The following ADCY2 variants were observed in gnomAD, a reference collection of about 807,000 sequenced individuals.
ADCY2 encodes adenylate cyclase 2, also known as adenylate cyclase type 2.
Under a neutral mutation model 125.2 loss-of-function variants are expected in ADCY2, and 31 were observed. That is an observed-to-expected ratio of 0.25 (90% confidence interval 0.19 to 0.33). The LOEUF (loss-of-function observed/expected upper bound fraction) is 0.33, where lower values mean the gene tolerates loss of function less well. ADCY2 is among the 10% of genes least tolerant of loss of function. ADCY2 has a pLI of 1.00. For synonymous variants in ADCY2, 512 were observed against 548.4 expected (o/e 0.93, Z 0.93); for missense variants, 904 against 1,418.2 (o/e 0.64, Z 5.82).
intron 3 of ADCY2, among the ~76,000 whole-genome samples, chr5:7,591,221 A>G (rs1190528724): frequency 6.6e-6 from 1 of 152,188 alleles, no homozygotes; most frequent in Non-Finnish European, 1.5e-5. Context: ...ATGTCAGAAA[A>G]CTCAGAGACA....
chr5:7,522,739 T>TAAAAAAAAAAA (rs35601967), intron 3 of ADCY2: 19 of 122,614 alleles, frequency 1.5e-4, no homozygotes, highest in Admixed American at 2.4e-4. Context: ...CATCTCTACT[T>TAAAAAAAAAAA]AAAAAAAAAA....
chr5:7,591,980 T>C (rs770338920), intron 3 of ADCY2, among the ~76,000 whole-genome samples: 1 of 152,268 alleles, frequency 6.6e-6, no homozygotes. Context: ...AGAAGTTACA[T>C]ATTTAATAGG....
intron 15 of ADCY2, among the ~76,000 whole-genome samples, chr5:7,744,170 A>G (rs1346877891): frequency 5.3e-5 from 8 of 152,100 alleles, no homozygotes; most frequent in African/African-American, 1.9e-4. Context: ...GAGTTGAACA[A>G]TGAGGACACA....
chr5:7,739,205 G>A (rs759195596), intron 14 of ADCY2, among the ~76,000 whole-genome samples: 1 of 151,508 alleles, frequency 6.6e-6, no homozygotes, highest in African/African-American at 2.4e-5. Flanking sequence ...ACAAATATGA[G>A]GACAAAAAAA....
intron 3 of ADCY2, among the ~76,000 whole-genome samples, chr5:7,545,247 C>T (rs1283994297): frequency 6.6e-6 from 1 of 152,218 alleles, no homozygotes; most frequent in East Asian, 1.9e-4. Flanking sequence ...GCATGCCCCT[C>T]CACTTGGTGT....
chr5:7,678,699 C>T (rs927680486), intron 4 of ADCY2, among the ~76,000 whole-genome samples: 2 of 152,132 alleles, frequency 1.3e-5, no homozygotes, highest in Admixed American at 6.5e-5. Flanking sequence ...CTCCTGACAC[C>T]TTGTTGAATG....
chr5:7,468,761 T>G (rs1742222567), intron 2 of ADCY2, among the ~76,000 whole-genome samples: 1 of 152,172 alleles, frequency 6.6e-6, no homozygotes, highest in Admixed American at 6.5e-5. Flanking sequence ...TTGCAAAAAT[T>G]CTATTACTTT....
chr5:7,722,730 G>C (rs1561187818), intron 12 of ADCY2, among the ~76,000 whole-genome samples: 1 of 151,958 alleles, frequency 6.6e-6, no homozygotes, highest in Non-Finnish European at 1.5e-5. Flanking sequence ...AGGCCGAGGT[G>C]GGCAGACCAC....
At chr5:7,677,956 A>T (rs543693161) in intron 4 of ADCY2, among the ~76,000 whole-genome samples, 153 of 152,220 alleles carry the variant, frequency 1.0e-3, no homozygotes, top group African/African-American at 3.5e-3. Context: ...ATTTTACCAG[A>T]CTCAGCTTTA....
intron 3 of ADCY2, among the ~76,000 whole-genome samples, chr5:7,576,486 T>C (rs950839800): frequency 6.6e-6 from 1 of 152,202 alleles, no homozygotes; most frequent in Non-Finnish European, 1.5e-5. Context: ...TTATACAAAC[T>C]AAGGCAACTT....
chr5:7,745,851 CTT>C (rs962175960), intron 15 of ADCY2, among the ~76,000 whole-genome samples: 1 of 152,214 alleles, frequency 6.6e-6, no homozygotes, highest in South Asian at 2.1e-4. Flanking sequence ...ATCAGGCTGA[CTT>C]TTTTTCATTC....
chr5:7,397,402 G>A (rs1739091331), intron 1 of ADCY2, among the ~76,000 whole-genome samples: 1 of 145,498 alleles, frequency 6.9e-6, no homozygotes, highest in South Asian at 2.2e-4. Flanking sequence ...CCTGTGACAT[G>A]CATGTGCAGA....
At position 7,775,924 on chromosome 5, in the gene ADCY2, A is replaced by G. The variant is rs74365313; in HGVS notation, c.2384+2823A>G. ...AAGCATAATACCTCAAAATCAATGAATATTCTATGATGTCCACTTAAAACT... is the reference window on the plus strand; with the variant it reads ...AAGCATAATACCTCAAAATCAATGAGTATTCTATGATGTCCACTTAAAACT... On this transcript the variant is annotated intron_variant, in intron 18 of 24. Transcript: ENST00000338316. Among the ~76,000 whole-genome samples, 1,386 of 152,268 alleles carry G rather than the reference A, an allele frequency of 9.1e-3. 17 individuals are homozygous for G. The highest frequency in any genetic ancestry group is 0.032 in the African/African-American group (1,330 of 41,544).
At chr5:7,562,211 G>GT (rs1459631229) in intron 3 of ADCY2, among the ~76,000 whole-genome samples, 10 of 151,818 alleles carry the variant, frequency 6.6e-5, no homozygotes, top group East Asian at 1.9e-4. Context: ...TTTTTGTTCT[G>GT]TTTTTTCCAC....
At chr5:7,492,083 G>A (rs906975638) in intron 2 of ADCY2, among the ~76,000 whole-genome samples, 5 of 152,172 alleles carry the variant, frequency 3.3e-5, no homozygotes, top group Non-Finnish European at 5.9e-5. Context: ...TCAGCAGCAG[G>A]GATCACCCTC....
intron 3 of ADCY2, among the ~76,000 whole-genome samples, chr5:7,562,093 A>G (rs1469941203): frequency 6.6e-6 from 1 of 152,086 alleles, no homozygotes; most frequent in Non-Finnish European, 1.5e-5. Flanking sequence ...ATTTTCTAAA[A>G]TTATGTTTTT....
intron 1 of ADCY2, among the ~76,000 whole-genome samples, chr5:7,401,034 G>C (rs1253026208): frequency 6.6e-6 from 1 of 152,198 alleles, no homozygotes; most frequent in Non-Finnish European, 1.5e-5. Flanking sequence ...TGTGGGAGTT[G>C]TGGCTTTGTC....
intron 23 of ADCY2, among the ~76,000 whole-genome samples, chr5:7,818,184 A>T (rs981383661): frequency 6.6e-6 from 1 of 152,142 alleles, no homozygotes; most frequent in African/African-American, 2.4e-5. Flanking sequence ...ACAAATTTCA[A>T]CTTTAAAAAG....
chr5:7,724,114 C>CAAAA lies in ADCY2; in HGVS notation c.1704-410_1704-407dup, dbSNP rs1272949604. On this transcript the variant is annotated intron_variant, in intron 12 of 24. Transcript: ENST00000338316. Reference sequence around the variant, plus strand: ...TGATCTGTTGCCCTCTAGAAGCTAACAAAAAAAAAAAAAAAAAAAAAAAAG... The same window carrying CAAAA: ...TGATCTGTTGCCCTCTAGAAGCTAACAAAAAAAAAAAAAAAAAAAAAAAAAAAAG... Among the ~76,000 whole-genome samples the CAAAA allele has an allele frequency of 6.7e-3, 514 of 76,374 alleles. 14 individuals are homozygous for CAAAA. The highest frequency in any genetic ancestry group is 0.011 in the African/African-American group (204 of 18,710). The allele number at this position is 76,374 out of a possible 152,430, so 50.1% of individuals were successfully genotyped here.
Sources: allele counts gnomAD v4.1 joint callset (sites outside exome capture counted in the v4.1 genomes callset), GRCh38; gene constraint gnomAD v4.1.1; transcripts MANE v1.5; gene names NCBI Gene and HGNC (gene_info 2026-07-23, HGNC 2026-07-21).